Variants in PCDH9 observed in about 807,000 individuals in gnomAD.
PCDH9 encodes the protein protocadherin 9, also known as protocadherin-9.
Under a neutral mutation model 70.6 loss-of-function variants are expected in PCDH9, and 24 were observed. The ratio of observed to expected loss-of-function variants is 0.34; its 90% CI spans 0.25 to 0.48. The LOEUF (loss-of-function observed/expected upper bound fraction) is 0.48. PCDH9 is among the 20% of genes least tolerant of loss of function. PCDH9 has a pLI of 0.99. For missense variants in PCDH9, 1,281 were observed against 1,503.6 expected (o/e 0.85, Z 2.45); for synonymous variants, 562 against 558.5 (o/e 1.01, Z -0.09).
rs1336920716 is a variant in PCDH9, at chr13:66,631,226, G to A, written c.3324C>T (p.Asn1108=). 8 of 1,592,520 alleles carry A rather than the reference G, an allele frequency of 5.0e-6. No homozygotes were observed. The Admixed American group carries it at 1.3e-4, about 27-fold the overall frequency. The change falls in exon 4 of 5, where the codon AAC becomes AAT. Residue 1108 remains asparagine, a synonymous_variant. Transcript: ENST00000377865. Reference sequence around the variant, plus strand: ...GGGACTCACCAGAGTTGGGATCAGAGTTGCCATCTGCTTCAGTCCTCTTGT... The same window carrying A: ...GGGACTCACCAGAGTTGGGATCAGAATTGCCATCTGCTTCAGTCCTCTTGT... The part of the protein sequence containing the change: ...SPDKRTEADG[N]SDPNSDGPLG...
At position 66,947,432 on chromosome 13, in the gene PCDH9, C is replaced by A. The variant is rs190734903; in HGVS notation, c.3037-43827G>T. On this transcript the variant is annotated intron_variant, in intron 2 of 4. Coordinates refer to ENST00000377865, the MANE Select transcript of PCDH9 (RefSeq NM_203487.3). ...AATCATGTTCTTTTTCCAAAAAATA[C>A]CCCTTATTATGAGTGTAATGACAAA... Among the ~76,000 whole-genome samples, 251 of 152,084 alleles carry A rather than the reference C, an allele frequency of 1.7e-3. 3 individuals are homozygous for A. Among genetic ancestry groups the A allele is most frequent in the African/African-American group, 5.8e-3 (239 of 41,486 alleles).
intron 3 of PCDH9, among the ~76,000 whole-genome samples, chr13:66,787,943 T>C (rs2080105365): frequency 6.6e-6 from 1 of 152,164 alleles, no homozygotes; most frequent in African/African-American, 2.4e-5. Context: ...GTTGATAATA[T>C]ACAACCTTTT....
At chr13:66,867,242 T>C (rs551280551) in intron 3 of PCDH9, among the ~76,000 whole-genome samples, 1 of 152,270 alleles carries the variant, frequency 6.6e-6, no homozygotes, top group South Asian at 2.1e-4. Flanking sequence ...CATTATACTA[T>C]TTCCCAGTTT....
chr13:66,378,357 CT>C (rs150448060), intron 4 of PCDH9, among the ~76,000 whole-genome samples: 6 of 151,150 alleles, frequency 4.0e-5, no homozygotes, highest in Non-Finnish European at 7.4e-5. Flanking sequence ...TGGGTAAGTG[CT>C]TTTTTTTTGT....
chr13:67,141,753 T>TAAAA (rs34484513), intron 2 of PCDH9, among the ~76,000 whole-genome samples: 1 of 129,494 alleles, frequency 7.7e-6, no homozygotes, highest in Non-Finnish European at 1.7e-5. Flanking sequence ...CCTTCTCTCT[T>TAAAA]AAAAAAAAAA....
At chr13:66,325,665 T>C (rs1955830387) in intron 4 of PCDH9, among the ~76,000 whole-genome samples, 1 of 152,068 alleles carries the variant, frequency 6.6e-6, no homozygotes, top group Non-Finnish European at 1.5e-5. Flanking sequence ...ATATCACACA[T>C]ATTTTCTATA....
intron 2 of PCDH9, chr13:67,220,177 T>C (rs1412066954): frequency 6.6e-6 from 1 of 151,620 alleles, no homozygotes; most frequent in Admixed American, 6.6e-5. Flanking sequence ...ACAATCTAAA[T>C]AAGACAACAA....
At chr13:67,110,514 CAAAAAAAAAA>C (rs67490405) in intron 2 of PCDH9, among the ~76,000 whole-genome samples, 2 of 78,674 alleles carry the variant, frequency 2.5e-5, no homozygotes, top group South Asian at 1.1e-3. Flanking sequence ...CACTCCATCT[CAAAAAAAAAA>C]AAAAAAAAAA....
At chr13:66,719,490 A>G (rs2078913779) in intron 3 of PCDH9, among the ~76,000 whole-genome samples, 1 of 152,170 alleles carries the variant, frequency 6.6e-6, no homozygotes, top group Non-Finnish European at 1.5e-5. Flanking sequence ...GGTACACTCT[A>G]CAGAGCAGAG....
intron 2 of PCDH9, among the ~76,000 whole-genome samples, chr13:66,973,259 C>T (rs1009829639): frequency 6.6e-6 from 1 of 151,982 alleles, no homozygotes; most frequent in Non-Finnish European, 1.5e-5. Context: ...ATATACTGAA[C>T]ACTATGATGC....
chr13:66,568,419 A>G (rs1259691876), intron 4 of PCDH9, among the ~76,000 whole-genome samples: 3 of 66,388 alleles, frequency 4.5e-5, no homozygotes, highest in Admixed American at 1.2e-4. Flanking sequence ...AGACACATAC[A>G]CACACGCACA....
At chr13:66,880,943 A>T (rs2081911753) in intron 3 of PCDH9, among the ~76,000 whole-genome samples, 1 of 152,328 alleles carries the variant, frequency 6.6e-6, no homozygotes, top group South Asian at 2.1e-4. Context: ...ATCCTGTTGT[A>T]TGACCTTGAG....
At chr13:66,738,663 G>A (rs1255531807) in intron 3 of PCDH9, among the ~76,000 whole-genome samples, 2 of 147,682 alleles carry the variant, frequency 1.4e-5, no homozygotes, top group Non-Finnish European at 3.0e-5. Flanking sequence ...TGATGGAGCT[G>A]AAAACCAAGG....
chr13:66,603,499 G>T (rs2138850723), intron 4 of PCDH9, among the ~76,000 whole-genome samples: 1 of 151,880 alleles, frequency 6.6e-6, no homozygotes, highest in East Asian at 1.9e-4. Context: ...TGGATTTAAT[G>T]TAAAATCATA....
rs564478519 is a variant in PCDH9 at position 66,628,285 on chromosome 13, T to A, written c.3340+2925A>T. On this transcript the variant is annotated intron_variant, in intron 4 of 4. Transcript: ENST00000377865. ...TTAGAGACTTCAGACTCTTAGACTGTGTTAGGCTCTGATTAAAGTATTCAA... is the reference window on the plus strand; with the variant it reads ...TTAGAGACTTCAGACTCTTAGACTGAGTTAGGCTCTGATTAAAGTATTCAA... Among the ~76,000 whole-genome samples, 7 of 152,326 alleles carry A rather than the reference T, an allele frequency of 4.6e-5. No homozygotes were observed. The South Asian group carries it at 1.2e-3, about 27-fold the overall frequency.
At chr13:66,428,095 A>G (rs1483898673) in intron 4 of PCDH9, among the ~76,000 whole-genome samples, 1 of 151,750 alleles carries the variant, frequency 6.6e-6, no homozygotes, top group Non-Finnish European at 1.5e-5. Flanking sequence ...TTTGGGTAAC[A>G]GTGTATATTA....
intron 3 of PCDH9, among the ~76,000 whole-genome samples, chr13:66,769,870 G>A (rs2079778567): frequency 2.0e-5 from 3 of 152,106 alleles, no homozygotes; most frequent in African/African-American, 7.2e-5. Context: ...GTAAAAGCTA[G>A]GTTTTTATTA....
At chr13:66,618,491 T>C (rs1188429650) in intron 4 of PCDH9, among the ~76,000 whole-genome samples, 1 of 152,192 alleles carries the variant, frequency 6.6e-6, no homozygotes, top group Non-Finnish European at 1.5e-5. Context: ...TTTATGTATT[T>C]ATTAAGGTGC....
chr13:66,993,775 A>C (rs1289278751), intron 2 of PCDH9, among the ~76,000 whole-genome samples: 2 of 152,194 alleles, frequency 1.3e-5, no homozygotes, highest in Non-Finnish European at 1.5e-5. Flanking sequence ...AATATTTTCA[A>C]TGGCTTGAGA....
Sources: gnomAD v4.1 joint callset for allele counts (sites outside exome capture counted in the v4.1 genomes callset) on GRCh38, gnomAD v4.1.1 for gene constraint, MANE v1.5 for transcripts, NCBI Gene and HGNC (gene_info 2026-07-23, HGNC 2026-07-21) for gene names.